Variants in ZFAND4 observed in about 807,000 individuals in gnomAD.
The protein encoded by ZFAND4 is zinc finger AN1-type containing 4.
A neutral mutation model predicts 64.4 loss-of-function variants in ZFAND4; 43 were observed. That is an observed-to-expected ratio of 0.67 (90% CI 0.52 to 0.86). ZFAND4 has a LOEUF of 0.86. ZFAND4 is among the 40% of genes least tolerant of loss of function. ZFAND4 has a pLI of 0.00. For synonymous variants in ZFAND4, 296 were observed against 305.7 expected, an observed-to-expected ratio of 0.97 and a Z score of 0.33; for missense variants, 929 against 859.8, an observed-to-expected ratio of 1.08 and a Z score of -1.01.
chr10:45,665,345 G>A (rs1401074250), intron 1 of ZFAND4, among the ~76,000 whole-genome samples: 1 of 152,080 alleles, frequency 6.6e-6, no homozygotes, highest in Non-Finnish European at 1.5e-5. Flanking sequence ...TTCGAGACCA[G>A]CCTGGCCAAA....
chr10:45,623,453 A>C (rs1462009601), intron 8 of ZFAND4, among the ~76,000 whole-genome samples: 1 of 152,186 alleles, frequency 6.6e-6, no homozygotes, highest in Non-Finnish European at 1.5e-5. Flanking sequence ...ACACACGCAC[A>C]ATACAGTATC....
At chr10:45,633,461 G>A (rs986259327) in intron 6 of ZFAND4, among the ~76,000 whole-genome samples, 11 of 151,954 alleles carry the variant, frequency 7.2e-5, no homozygotes, top group African/African-American at 1.7e-4. Flanking sequence ...TCCCAGCTAC[G>A]TGGGAGGCTG....
chr10:45,652,111 C>T, intron 3 of ZFAND4, 78 bp from the exon 4 acceptor site: 12 of 1,423,018 alleles, frequency 8.4e-6, no homozygotes, highest in Admixed American at 1.8e-5. Context: ...TATGTGCTGG[C>T]TTATCAGGCA....
chr10:45,644,177 C>A (rs909300043), intron 5 of ZFAND4, among the ~76,000 whole-genome samples: 3 of 152,086 alleles, frequency 2.0e-5, no homozygotes, highest in Non-Finnish European at 4.4e-5. Flanking sequence ...ATGTATATTG[C>A]TATTCTGTGA....
chr10:45,660,160 CAA>C (rs59673620), intron 2 of ZFAND4, among the ~76,000 whole-genome samples: 25 of 92,506 alleles, frequency 2.7e-4, no homozygotes, highest in Admixed American at 3.8e-4. Context: ...AGACGCATCT[CAA>C]AAAAAAAAAA....
At chr10:45,633,375 T>A (rs1445385879) in intron 6 of ZFAND4, among the ~76,000 whole-genome samples, 1 of 151,968 alleles carries the variant, frequency 6.6e-6, no homozygotes, top group Non-Finnish European at 1.5e-5. Flanking sequence ...CAAACAATAT[T>A]CTCTGAGTTC....
chr10:45,617,420 G>A (rs1356517507), intron 9 of ZFAND4, among the ~76,000 whole-genome samples: 1 of 151,944 alleles, frequency 6.6e-6, no homozygotes, highest in Non-Finnish European at 1.5e-5. Flanking sequence ...TTGAGGCCAG[G>A]AGTTTGAGAC....
chr10:45,621,180 T>G (rs192216515), intron 8 of ZFAND4, among the ~76,000 whole-genome samples: 5 of 152,228 alleles, frequency 3.3e-5, no homozygotes, highest in African/African-American at 1.2e-4. Context: ...GAATACAGTT[T>G]CCAAGGGAAA....
intron 6 of ZFAND4, among the ~76,000 whole-genome samples, chr10:45,637,694 G>A (rs1038013059): frequency 1.8e-4 from 27 of 152,136 alleles, no homozygotes; most frequent in Non-Finnish European, 3.4e-4. Flanking sequence ...AGGTTGCAGT[G>A]AGCAGAGATC....
rs1340059483 is a variant in ZFAND4, at chr10:45,616,312, T to C, written c.*124A>G. 6 of 1,242,516 alleles carry C rather than the reference T, an allele frequency of 4.8e-6. No individual in the cohort carries two copies. The East Asian group carries it at 9.6e-5, about 20-fold the overall frequency. The allele number at this position is 1,242,516 out of a possible 1,614,324, so 77.0% of individuals were successfully genotyped here. On this transcript the variant is annotated 3_prime_UTR_variant, in exon 10 of 10. Transcript: ENST00000344646. Reference sequence around the variant, plus strand: ...GTAGCATTCTTGTTCTCCAACAGTATGCATTGTATGCTTTTGTTATTTGGC... The same window carrying C: ...GTAGCATTCTTGTTCTCCAACAGTACGCATTGTATGCTTTTGTTATTTGGC...
intron 5 of ZFAND4, among the ~76,000 whole-genome samples, chr10:45,647,204 T>C (rs1346319516): frequency 6.6e-6 from 1 of 152,158 alleles, no homozygotes; most frequent in Non-Finnish European, 1.5e-5. Flanking sequence ...GGGCAGCCTC[T>C]AGTCAATAGC....
At chr10:45,640,301 G>T in intron 5 of ZFAND4, 1 of 1,245,168 alleles carries the variant, frequency 8.0e-7, no homozygotes, top group Non-Finnish European at 1.0e-6. Flanking sequence ...CATTTTATCA[G>T]CCAAGGCTGA....
chr10:45,634,586 G>C (rs918026858), intron 6 of ZFAND4, among the ~76,000 whole-genome samples: 2 of 150,992 alleles, frequency 1.3e-5, no homozygotes, highest in Non-Finnish European at 2.9e-5. Context: ...TAAGTTTTCA[G>C]ACAAATGCTG....
rs188466173 is a variant in ZFAND4, at chr10:45,654,942, C to T, written c.185-1883G>A. On this transcript the variant is annotated intron_variant, in intron 2 of 9. Transcript: ENST00000344646. ...ACTCCACTGACAGCACTAGACAGGT[C>T]ATCAAGCCAGAAAGTCAACAAAGAA... 9.2e-5 allele frequency among the ~76,000 whole-genome samples: 14 copies of T among 152,246 alleles called. No individual in the cohort carries two copies. In the East Asian group the frequency reaches 2.7e-3, roughly 29 times the overall value.
intron 4 of ZFAND4, chr10:45,651,584 T>C (rs1343881243): frequency 1.5e-5 from 7 of 472,428 alleles, no homozygotes; most frequent in East Asian, 6.9e-5. Context: ...ACAGGCAATG[T>C]TGGAATTTTG....
chr10:45,618,608 A>C (rs2045179671), intron 8 of ZFAND4, among the ~76,000 whole-genome samples: 1 of 152,204 alleles, frequency 6.6e-6, no homozygotes, highest in African/African-American at 2.4e-5. Flanking sequence ...ATATTTGATG[A>C]AGCCTCTGAG....
At chr10:45,643,090 T>C (rs934317192) in intron 5 of ZFAND4, among the ~76,000 whole-genome samples, 18 of 150,766 alleles carry the variant, frequency 1.2e-4, no homozygotes, top group Non-Finnish European at 2.1e-4. Flanking sequence ...CCGGCTAATT[T>C]TGCATTTTTA....
chr10:45,635,442 T>C (rs2046530445), intron 6 of ZFAND4, among the ~76,000 whole-genome samples: 1 of 152,094 alleles, frequency 6.6e-6, no homozygotes, highest in Non-Finnish European at 1.5e-5. Flanking sequence ...CTTCAATAAA[T>C]AATGTTGGGA....
chr10:45,662,543 C>T (rs559315814), intron 2 of ZFAND4: 19 of 961,142 alleles, frequency 2.0e-5, no homozygotes, highest in Admixed American at 1.2e-4. Flanking sequence ...CAAAGCAGAA[C>T]GAAGTCAAAA....
Sources: gnomAD v4.1 joint callset for allele counts (sites outside exome capture counted in the v4.1 genomes callset) on GRCh38, gnomAD v4.1.1 for gene constraint, MANE v1.5 for transcripts, NCBI Gene and HGNC (gene_info 2026-07-23, HGNC 2026-07-21) for gene names.